ATXN7: variants seen among roughly 807,000 people sequenced by gnomAD.
The protein encoded by ATXN7 is ataxin 7.
In ATXN7, 12 loss-of-function variants were observed where a neutral mutation model predicts 70.5. The ratio of observed to expected loss-of-function variants is 0.17; its 90% CI spans 0.11 to 0.28. The LOEUF is 0.28. ATXN7 is among the 10% of genes least tolerant of loss of function. ATXN7 has a pLI of 1.00. For missense variants in ATXN7, 1,256 were observed against 1,131.7 expected, an observed-to-expected ratio of 1.11 and a Z score of -1.58; for synonymous variants, 498 against 448.7, an observed-to-expected ratio of 1.11 and a Z score of -1.39.
At chr3:63,963,355 A>G (rs1018128508) in intron 5 of ATXN7, among the ~76,000 whole-genome samples, 3 of 152,242 alleles carry the variant, frequency 2.0e-5, no homozygotes, top group African/African-American at 7.2e-5. Flanking sequence ...ATTTTTATAT[A>G]AATACACAAA....
chr3:63,915,905 G>A (rs926214858), intron 4 of ATXN7, among the ~76,000 whole-genome samples: 1 of 151,904 alleles, frequency 6.6e-6, no homozygotes, highest in African/African-American at 2.4e-5. Flanking sequence ...AGTCTGGTCT[G>A]AAGCTCCTGA....
chr3:63,933,050 C>G (rs2074586826), intron 4 of ATXN7, among the ~76,000 whole-genome samples: 2 of 152,136 alleles, frequency 1.3e-5, no homozygotes, highest in Admixed American at 6.5e-5. Context: ...AGTAGTGATG[C>G]TTTTGTTTGC....
intron 2 of ATXN7, chr3:63,905,221 T>C (rs1703793712): frequency 6.6e-6 from 1 of 151,668 alleles, no homozygotes; most frequent in Admixed American, 6.6e-5. Flanking sequence ...TTTAATTTAA[T>C]TTTTTTTTGA....
rs1703690452 is a variant in ATXN7 at position 63,902,770 on chromosome 3, G to A, written c.-12+4273G>A. ...GTGACTTGTAGTTTTATCAGTCCAT[G>A]CCGTTGCCACTCACCTAACAGAGTT... On this transcript the variant is annotated intron_variant, in intron 2 of 12. Coordinates refer to ENST00000674280, the MANE Select transcript of ATXN7 (RefSeq NM_001377405.1). 1.3e-5 allele frequency among the ~76,000 whole-genome samples: 2 copies of A among 152,056 alleles called. 1 individual carries two copies. The highest frequency in any genetic ancestry group is 4.2e-4 in the South Asian group (2 of 4,818).
At position 63,987,940 on chromosome 3, in the gene ATXN7, G is replaced by C; in HGVS notation, c.1096-119G>C. On this transcript the variant is annotated intron_variant, in intron 8 of 12. Transcript: ENST00000674280. Reference sequence around the variant, plus strand: ...TTTTTAGCTTATCAAATGCTGAGTAGCCTTTCACTATGCTTATGGTCTAGA... The same window carrying C: ...TTTTTAGCTTATCAAATGCTGAGTACCCTTTCACTATGCTTATGGTCTAGA... The C allele has an allele frequency of 3.2e-6, 4 of 1,241,078 alleles. No homozygotes were observed. In the Middle Eastern group the frequency reaches 8.8e-4, roughly 272 times the overall value. The allele number at this position is 1,241,078 out of a possible 1,614,324, so 76.9% of individuals were successfully genotyped here.
At position 63,999,589 on chromosome 3, in the gene ATXN7, A is replaced by C. The variant is rs1372854442; in HGVS notation, c.*122A>C. The C allele has an allele frequency of 2.0e-6, 3 of 1,532,892 alleles. No individual in the cohort carries two copies. The highest frequency in any genetic ancestry group is 1.9e-5 in the Admixed American group (1 of 51,798). 95.0% of individuals were successfully genotyped at this position (1,532,892 alleles called of 1,614,324 possible). On this transcript the variant is annotated 3_prime_UTR_variant, in exon 13 of 13. Transcript: ENST00000674280. Reference sequence around the variant, plus strand: ...GTTTTCCCAACCTCCTGTGGGCCTCAAGGGTAGAAACCTGCCGGGCTGTTG... The same window carrying C: ...GTTTTCCCAACCTCCTGTGGGCCTCCAGGGTAGAAACCTGCCGGGCTGTTG...
In ATXN7 at chr3:63,991,298, G is replaced by T. The variant is rs529672375; in HGVS notation, c.1682+439G>T. Among the ~76,000 whole-genome samples, 63 of 108,052 alleles carry T rather than the reference G, an allele frequency of 5.8e-4. 1 individual carries two copies. The South Asian group carries it at 0.017, about 30-fold the overall frequency. 70.9% of individuals were successfully genotyped at this position (108,052 alleles called of 152,430 possible). On this transcript the variant is annotated intron_variant, in intron 11 of 12. Transcript: ENST00000674280. ...ATGATTATACCCTCCCCCCACCCCT[G>T]GTTTTTTTTTTGTTTTGTTTTTTTA...
In ATXN7 at chr3:63,982,988, C is replaced by G. The variant is rs2075515034; in HGVS notation, c.1062C>G (p.Thr354=). The G allele has an allele frequency of 6.2e-7, 1 of 1,613,880 alleles. No homozygotes were observed. Among genetic ancestry groups the G allele is most frequent in the South Asian group, 1.1e-5 (1 of 91,078 alleles). Residue 354 remains threonine (T), a synonymous_variant, in exon 8 of 13, where the codon ACC becomes ACG. Transcript: ENST00000674280. ...DIHCGVIDLD[T]KKPCTRSLTC... ...ACTGTGGGGTTATTGATCTCGACAC[C>G]AAGAAGCCCTGCACCCGGTCTTTGA... is the stretch of plus-strand genomic sequence containing the variant.
At chr3:63,910,103 G>A (rs977212395) in intron 2 of ATXN7, among the ~76,000 whole-genome samples, 1 of 152,106 alleles carries the variant, frequency 6.6e-6, no homozygotes, top group Non-Finnish European at 1.5e-5. Context: ...GAAAAAAAGA[G>A]GTATCAAGCA....
At chr3:63,921,560 CATT>C (rs1258992976) in intron 4 of ATXN7, among the ~76,000 whole-genome samples, 1 of 152,160 alleles carries the variant, frequency 6.6e-6, no homozygotes, top group Non-Finnish European at 1.5e-5. Context: ...AGCTTTAAAT[CATT>C]ATTTCCAAAA....
chr3:63,865,827 G>T (rs62250880), intron 1 of ATXN7, among the ~76,000 whole-genome samples: 1 of 143,938 alleles, frequency 6.9e-6, no homozygotes, highest in Non-Finnish European at 1.5e-5. Flanking sequence ...CCCGGGAGGC[G>T]GAGCTTGCAG....
chr3:63,953,220 G>A (rs1456778491), intron 5 of ATXN7, among the ~76,000 whole-genome samples: 1 of 152,092 alleles, frequency 6.6e-6, no homozygotes, highest in Non-Finnish European at 1.5e-5. Flanking sequence ...GTAACATTGG[G>A]GTTCTTCTAT....
intron 9 of ATXN7, chr3:63,988,614 C>G: frequency 2.8e-6 from 1 of 362,972 alleles, no homozygotes; most frequent in Non-Finnish European, 5.0e-6. Flanking sequence ...GAAATTGGGT[C>G]CTTCCTGCGG....
intron 4 of ATXN7, among the ~76,000 whole-genome samples, chr3:63,917,211 C>T (rs1195195902): frequency 1.3e-5 from 2 of 152,156 alleles, no homozygotes; most frequent in Non-Finnish European, 2.9e-5. Flanking sequence ...TGAGCCACTG[C>T]ACCTGGTTGA....
At chr3:63,913,058 C>G in intron 3 of ATXN7, 99 bp from the exon 4 acceptor site, 1 of 1,488,262 alleles carries the variant, frequency 6.7e-7, no homozygotes, top group Non-Finnish European at 9.3e-7. Context: ...TTGCGGAACG[C>G]GGAGGTGCCC....
chr3:63,864,156 C>T lies in ATXN7; in HGVS notation c.-113C>T, dbSNP rs1240442813. Among the ~76,000 whole-genome samples the T allele has an allele frequency of 4.0e-5, 6 of 150,046 alleles. No homozygotes were observed. The highest frequency in any genetic ancestry group is 8.9e-5 in the Non-Finnish European group (6 of 67,320). On this transcript the variant is annotated splice_region_variant and 5_prime_UTR_variant, in exon 1 of 13. Transcript: ENST00000674280. ...CGCCCCGGAGGCCGCAGCCAGCCGC[C>T]AGGTGAGCTCGCCCGGACGCCGCCA... is the stretch of plus-strand genomic sequence containing the variant.
chr3:63,963,314 T>C (rs2075162496), intron 5 of ATXN7, among the ~76,000 whole-genome samples: 1 of 152,220 alleles, frequency 6.6e-6, no homozygotes, highest in African/African-American at 2.4e-5. Context: ...GATTGGCATA[T>C]GAATATATGA....
At chr3:63,891,345 G>T (rs1456980615) in intron 1 of ATXN7, among the ~76,000 whole-genome samples, 1 of 150,478 alleles carries the variant, frequency 6.6e-6, no homozygotes, top group Non-Finnish European at 1.5e-5. Flanking sequence ...AAGAGATGGG[G>T]TCTTGCTCTT....
In ATXN7 at chr3:63,934,231, A is replaced by G. The variant is rs1042540494; in HGVS notation, c.395-18148A>G. On this transcript the variant is annotated intron_variant, in intron 4 of 12. Coordinates refer to ENST00000674280, the MANE Select transcript of ATXN7 (RefSeq NM_001377405.1). ...GCTGGCAGCCTCTTCCACCTCCCACAGCCTACTCATTCCTGCCTACTCGGA... is the reference window on the plus strand; with the variant it reads ...GCTGGCAGCCTCTTCCACCTCCCACGGCCTACTCATTCCTGCCTACTCGGA... Among the ~76,000 whole-genome samples the G allele has an allele frequency of 4.6e-5, 7 of 152,234 alleles. No individual in the cohort carries two copies. The South Asian group carries it at 1.5e-3, about 32-fold the overall frequency.
Sources: gnomAD v4.1 joint callset for allele counts (sites outside exome capture counted in the v4.1 genomes callset) on GRCh38, gnomAD v4.1.1 for gene constraint, MANE v1.5 for transcripts, NCBI Gene and HGNC (gene_info 2026-07-23, HGNC 2026-07-21) for gene names.